The following PON2 variants were observed in gnomAD, a reference collection of about 807,000 sequenced individuals.
PON2 encodes serum paraoxonase/arylesterase 2.
A neutral mutation model predicts 36.6 loss-of-function variants in PON2; 27 were observed. That is an observed-to-expected ratio of 0.74 (90% CI 0.54 to 1.02). The LOEUF (loss-of-function observed/expected upper bound fraction) is 1.02. PON2 is among the 50% of genes least tolerant of loss of function. The pLI, the probability that PON2 is intolerant of heterozygous loss-of-function variation, is 0.00. For synonymous variants in PON2, 149 were observed against 156.3 expected (o/e 0.95, Z 0.35); for missense variants, 363 against 421.1 (o/e 0.86, Z 1.21).
At chr7:95,415,934 CA>C in intron 3 of PON2, 1 of 362,480 alleles carries the variant, frequency 2.8e-6, no homozygotes, top group Non-Finnish European at 5.0e-6. Context: ...CCGGGGCAAC[CA>C]GAACAAGACT....
chr7:95,422,383 T>A (rs1334485763), intron 2 of PON2, among the ~76,000 whole-genome samples: 1 of 152,076 alleles, frequency 6.6e-6, no homozygotes, highest in East Asian at 1.9e-4. Flanking sequence ...TGATGAAGAG[T>A]TTGATGAGAG....
chr7:95,417,882 CTTT>C (rs1192257416), intron 2 of PON2, among the ~76,000 whole-genome samples: 1 of 151,910 alleles, frequency 6.6e-6, no homozygotes, highest in African/African-American at 2.4e-5. Flanking sequence ...AACAATGCTT[CTTT>C]GATAGGATTA....
chr7:95,411,871 G>C (rs1788935978), intron 4 of PON2, 92 bp from the exon 5 acceptor site: 2 of 1,360,126 alleles, frequency 1.5e-6, no homozygotes, highest in East Asian at 4.6e-5. Flanking sequence ...GGCAAGGAAA[G>C]GTTGAATGTA....
intron 1 of PON2, among the ~76,000 whole-genome samples, chr7:95,427,457 T>C (rs1432910280): frequency 1.3e-5 from 2 of 152,208 alleles, no homozygotes; most frequent in Non-Finnish European, 2.9e-5. Flanking sequence ...AAAGACACTG[T>C]GTTCTAGATA....
intron 2 of PON2, among the ~76,000 whole-genome samples, chr7:95,421,961 T>C (rs1004726429): frequency 6.6e-6 from 1 of 152,224 alleles, no homozygotes; most frequent in Non-Finnish European, 1.5e-5. Context: ...AGTTTATTAC[T>C]GTTGCCAAAT....
intron 2 of PON2, 168 bp from the exon 3 acceptor site, chr7:95,416,465 TC>T (rs751326847): frequency 9.7e-6 from 7 of 723,068 alleles, no homozygotes; most frequent in Non-Finnish European, 1.2e-5. Context: ...TTAAACCCCT[TC>T]CTGAAGTGAA....
In PON2 at chr7:95,406,310, G is replaced by A. The variant is rs2116448304; in HGVS notation, c.778-63C>T. ...AGAAACTTGATTAAATAATTTAGAGGTAACCTTCCTGCCTCTATGCATGTG... is the reference window on the plus strand; with the variant it reads ...AGAAACTTGATTAAATAATTTAGAGATAACCTTCCTGCCTCTATGCATGTG... On this transcript the variant is annotated intron_variant, in intron 7 of 8. Transcript: ENST00000222572. The A allele has an allele frequency of 3.9e-6, 6 of 1,544,796 alleles. No homozygotes were observed. In the South Asian group the frequency reaches 6.7e-5, roughly 17 times the overall value.
chr7:95,418,145 A>G (rs1485727563), intron 2 of PON2: 1 of 152,170 alleles, frequency 6.6e-6, no homozygotes, highest in Non-Finnish European at 1.5e-5. Flanking sequence ...GGAAGGTTTT[A>G]TCATCGTGTA....
chr7:95,431,804 C>T (rs975738447), intron 1 of PON2, among the ~76,000 whole-genome samples: 1 of 151,658 alleles, frequency 6.6e-6, no homozygotes, highest in African/African-American at 2.4e-5. Context: ...TACAGGGTAC[C>T]CAGTGATATT....
intron 7 of PON2, among the ~76,000 whole-genome samples, chr7:95,406,627 T>C (rs746122071): frequency 4.6e-5 from 7 of 152,212 alleles, no homozygotes; most frequent in Non-Finnish European, 7.3e-5. Flanking sequence ...GAACCCAATT[T>C]CTACCTTCAT....
intron 8 of PON2, 116 bp downstream of exon 8, chr7:95,406,003 G>A: frequency 8.1e-7 from 1 of 1,228,852 alleles, no homozygotes; most frequent in Non-Finnish European, 1.1e-6. Flanking sequence ...CACGACATAA[G>A]CTTATTATAT....
At chr7:95,430,899 T>TA (rs11413689) in intron 1 of PON2, among the ~76,000 whole-genome samples, 115,149 of 143,878 alleles carry the variant, frequency 0.8, 45,875 homozygotes, top group South Asian at 0.89. Context: ...GATGGTGGTT[T>TA]AAAAAAAAAA....
At chr7:95,406,387 A>C in intron 7 of PON2, 140 bp from the exon 8 acceptor site, 1 of 929,138 alleles carries the variant, frequency 1.1e-6, no homozygotes, top group Non-Finnish European at 1.6e-6. Flanking sequence ...TATTGCTTAA[A>C]AGGAATGTAT....
At chr7:95,416,054 TG>T in intron 3 of PON2, 187 bp downstream of exon 3, 1 of 1,019,634 alleles carries the variant, frequency 9.8e-7, no homozygotes, top group Non-Finnish European at 1.4e-6. Context: ...ACTATCTCAA[TG>T]GGCAAAGAGT....
At chr7:95,424,734 G>A in intron 1 of PON2, 149 bp from the exon 2 acceptor site, 2 of 679,420 alleles carry the variant, frequency 2.9e-6, no homozygotes, top group South Asian at 1.8e-5. Flanking sequence ...GAAAGACAAG[G>A]GTAGGAAAAT....
At chr7:95,433,098 C>T (rs951253768) in intron 1 of PON2, among the ~76,000 whole-genome samples, 9 of 152,172 alleles carry the variant, frequency 5.9e-5, no homozygotes, top group African/African-American at 1.7e-4. Flanking sequence ...ACTGTTCTTA[C>T]ATTATGCACT....
At chr7:95,417,788 TA>T (rs1316540767) in intron 2 of PON2, among the ~76,000 whole-genome samples, 1 of 151,356 alleles carries the variant, frequency 6.6e-6, no homozygotes, top group East Asian at 1.9e-4. Context: ...CTCAATTAAT[TA>T]AAATTTGTTT....
Position 95,405,214 on chromosome 7 carries a change from T to G in PON2, c.*116A>C. On this transcript the variant is annotated 3_prime_UTR_variant, in exon 9 of 9. Coordinates refer to ENST00000222572, the MANE Select transcript of PON2 (RefSeq NM_000305.3). ...AGGGCCGTTCCTTACTGGAATAAAA[T>G]TAACTACACATGCCATACATTTCTG... 1.7e-6 allele frequency: 2 copies of G among 1,152,884 alleles called. No individual in the cohort carries two copies. The highest frequency in any genetic ancestry group is 2.5e-6 in the Non-Finnish European group (2 of 799,360). The allele number at this position is 1,152,884 out of a possible 1,614,324, so 71.4% of individuals were successfully genotyped here.
chr7:95,418,455 C>T (rs1440568498), intron 2 of PON2: 1 of 152,184 alleles, frequency 6.6e-6, no homozygotes, highest in African/African-American at 2.4e-5. Flanking sequence ...TTTCCTCTCT[C>T]AGAAACATCC....
Sources: gnomAD v4.1 joint callset for allele counts (sites outside exome capture counted in the v4.1 genomes callset) on GRCh38, gnomAD v4.1.1 for gene constraint, MANE v1.5 for transcripts, NCBI Gene and HGNC (gene_info 2026-07-23, HGNC 2026-07-21) for gene names.